The following PLIN3 variants were observed in gnomAD, a reference collection of about 807,000 sequenced individuals.
PLIN3 encodes perilipin 3.
In PLIN3, 30 loss-of-function variants were observed where a neutral mutation model predicts 35.9. That is an observed-to-expected ratio of 0.84 (90% CI 0.62 to 1.13). The LOEUF is 1.13. Ranked by LOEUF, PLIN3 falls within the 50% of genes most tolerant of loss-of-function variation. The probability of loss-of-function intolerance (pLI) is 0.00; values close to 1 mark genes in which losing one functional copy is unlikely to be tolerated. For missense variants in PLIN3, 603 were observed against 596.9 expected, an observed-to-expected ratio of 1.01 and a Z score of -0.11; for synonymous variants, 261 against 262.5, an observed-to-expected ratio of 0.99 and a Z score of 0.06.
At chr19:4,841,647 TC>T (rs1357886718) in intron 7 of PLIN3, among the ~76,000 whole-genome samples, 16 of 148,254 alleles carry the variant, frequency 1.1e-4, no homozygotes, top group Non-Finnish European at 1.8e-4. Flanking sequence ...ACCCCTGTAA[TC>T]CCCAGCACTT....
At chr19:4,848,264 G>A (rs902315773) in intron 5 of PLIN3, among the ~76,000 whole-genome samples, 1 of 152,152 alleles carries the variant, frequency 6.6e-6, no homozygotes, top group African/African-American at 2.4e-5. Flanking sequence ...GATTATAGGC[G>A]TGAGCCACCA....
At chr19:4,847,036 C>T (rs1013137873) in intron 6 of PLIN3, among the ~76,000 whole-genome samples, 1 of 151,786 alleles carries the variant, frequency 6.6e-6, no homozygotes, top group Non-Finnish European at 1.5e-5. Flanking sequence ...ATTACAGGTG[C>T]CTGCCATTGT....
chr19:4,839,421 A>T lies in PLIN3; in HGVS notation c.1076T>A (p.Val359Glu). The T allele has an allele frequency of 6.2e-7, 1 of 1,606,932 alleles. No homozygotes were observed. Among genetic ancestry groups the T allele is most frequent in the South Asian group, 1.1e-5 (1 of 90,728 alleles). The part of the protein sequence containing the change: ...QGLPTNVKDQ[V>E]QQARRQVEDL... ...CTCCACCTGGCGGCGGGCCTGCTGC[A>T]CCTGGTCCTTCACATTGGTGGGGAG... The change falls in exon 8 of 8, where the codon GTG (valine) becomes GAG (glutamate). Residue 359 changes from valine to glutamate, a missense_variant. Val to Glu is a moderately radical substitution (Grantham distance 121). Coordinates refer to ENST00000221957, the MANE Select transcript of PLIN3 (RefSeq NM_005817.5).
At chr19:4,850,454 T>G (rs1246583636) in intron 5 of PLIN3, among the ~76,000 whole-genome samples, 1 of 151,568 alleles carries the variant, frequency 6.6e-6, no homozygotes, top group Admixed American at 6.6e-5. Context: ...GGCGTCTAGC[T>G]CTATTGCCCA....
intron 5 of PLIN3, among the ~76,000 whole-genome samples, 177 bp downstream of exon 5, chr19:4,851,839 G>A (rs996892726): frequency 3.3e-5 from 5 of 152,050 alleles, no homozygotes; most frequent in African/African-American, 2.4e-5. Flanking sequence ...GGATGAGGGC[G>A]GGAGCTGGTG....
chr19:4,866,280 A>C (rs369213268), intron 1 of PLIN3, among the ~76,000 whole-genome samples: 1 of 152,134 alleles, frequency 6.6e-6, no homozygotes, highest in East Asian at 1.9e-4. Context: ...AGCCTCCCAA[A>C]GTGCTGGGAT....
chr19:4,843,256 C>T (rs1053133343), intron 7 of PLIN3, among the ~76,000 whole-genome samples: 4 of 151,640 alleles, frequency 2.6e-5, no homozygotes, highest in Admixed American at 6.6e-5. Flanking sequence ...CCTGTAATCC[C>T]AGCACTTTGG....
chr19:4,845,996 G>C (rs541202097), intron 6 of PLIN3, among the ~76,000 whole-genome samples: 29 of 150,614 alleles, frequency 1.9e-4, no homozygotes, highest in African/African-American at 7.1e-4. Flanking sequence ...AGGCCGAGGC[G>C]GGCGGATCAA....
At chr19:4,856,725 G>A (rs1401009247) in intron 4 of PLIN3, among the ~76,000 whole-genome samples, 4 of 142,992 alleles carry the variant, frequency 2.8e-5, no homozygotes, top group African/African-American at 1.0e-4. Flanking sequence ...TTTTTTTTGA[G>A]ACAGAGCCTT....
In PLIN3 at chr19:4,847,763, C is replaced by T. The variant is rs140100737; in HGVS notation, c.762G>A (p.Ser254=). 3.6e-5 allele frequency: 58 copies of T among 1,613,140 alleles called. No individual in the cohort carries two copies. In the South Asian group the frequency reaches 3.8e-4, roughly 11 times the overall value. The change falls in exon 6 of 8, where the codon TCG becomes TCA. Residue 254 remains serine (S), a synonymous_variant. Transcript: ENST00000221957. ...ERLRQHAYEH[S]LGKLRATKQR... ...GCTTGGTGGCTCGAAGCTTGCCCAG[C>T]GAGTGCTCATAGGCGTGCTGCCGCA...
At chr19:4,843,580 C>T (rs921947522) in intron 7 of PLIN3, among the ~76,000 whole-genome samples, 2 of 151,636 alleles carry the variant, frequency 1.3e-5, no homozygotes, top group African/African-American at 4.9e-5. Flanking sequence ...GCCTGTAATC[C>T]CAGTGCTTTG....
At chr19:4,861,433 G>A in intron 1 of PLIN3, 22 bp from the exon 2 acceptor site, 2 of 1,572,028 alleles carry the variant, frequency 1.3e-6, no homozygotes, top group Non-Finnish European at 8.7e-7. Flanking sequence ...GGAACAGTCA[G>A]GTACAGCCTG....
At position 4,852,315 on chromosome 19, in the gene PLIN3, C is replaced by T. The variant is rs777352177; in HGVS notation, c.349-14G>A. 7 of 1,595,604 alleles carry T rather than the reference C, an allele frequency of 4.4e-6. No homozygotes were observed. In the South Asian group the frequency reaches 6.6e-5, roughly 15 times the overall value. Reference sequence around the variant, plus strand: ...GTCCGCCAGGACCTAGGAGATGCAACAGCATCAGCATCTCTGCCTTCCCTC... The same window carrying T: ...GTCCGCCAGGACCTAGGAGATGCAATAGCATCAGCATCTCTGCCTTCCCTC... On this transcript the variant is annotated splice_polypyrimidine_tract_variant and intron_variant, in intron 4 of 7. Transcript: ENST00000221957.
intron 5 of PLIN3, 26 bp from the exon 6 acceptor site, chr19:4,847,916 T>G (rs370556671): frequency 6.4e-7 from 1 of 1,563,620 alleles, no homozygotes; most frequent in Non-Finnish European, 8.8e-7. Flanking sequence ...GAAGGGTCTC[T>G]GTGAAGACCA....
chr19:4,858,705 T>TG (rs1221725698), intron 4 of PLIN3, among the ~76,000 whole-genome samples: 11 of 136,804 alleles, frequency 8.0e-5, no homozygotes, highest in African/African-American at 2.5e-4. Flanking sequence ...TTTTTGGTTT[T>TG]TTTTTTTTTT....
In PLIN3 at chr19:4,839,408, G is replaced by A. The variant is rs1319608060; in HGVS notation, c.1089C>T (p.Arg363=). 6.2e-7 allele frequency: 1 copy of A among 1,610,218 alleles called. No homozygotes were observed. The highest frequency in any genetic ancestry group is 8.5e-7 in the Non-Finnish European group (1 of 1,177,048). Residue 363 remains arginine, a synonymous_variant, in exon 8 of 8, where the codon CGC becomes CGT. Coordinates refer to ENST00000221957, the MANE Select transcript of PLIN3 (RefSeq NM_005817.5). ...TNVKDQVQQA[R]RQVEDLQATF... The stretch of plus-strand genomic sequence containing the variant: ...TGGCCTGGAGGTCCTCCACCTGGCG[G>A]CGGGCCTGCTGCACCTGGTCCTTCA...
At chr19:4,845,867 T>A (rs1370600384) in intron 6 of PLIN3, among the ~76,000 whole-genome samples, 4 of 139,506 alleles carry the variant, frequency 2.9e-5, no homozygotes, top group Non-Finnish European at 6.0e-5. Flanking sequence ...GAGCTTGCAG[T>A]GAGCAGAGAC....
At chr19:4,842,882 G>A (rs1200223583) in intron 7 of PLIN3, among the ~76,000 whole-genome samples, 1 of 152,062 alleles carries the variant, frequency 6.6e-6, no homozygotes, top group Non-Finnish European at 1.5e-5. Flanking sequence ...CACTTTTGTA[G>A]CCCTTACTAT....
rs570937681 is a variant in PLIN3, at chr19:4,841,919, A to C, written c.961-2383T>G. ...GACTCCATCTCAAAAAAAAAAAAAA[A>C]AAAAAAAGAAAAAAAAAAGCTGTTA... On this transcript the variant is annotated intron_variant, in intron 7 of 7. Coordinates refer to ENST00000221957, the MANE Select transcript of PLIN3 (RefSeq NM_005817.5). Among the ~76,000 whole-genome samples the C allele has an allele frequency of 1.1e-4, 9 of 84,438 alleles. No individual in the cohort carries two copies. In the East Asian group the frequency reaches 2.5e-3, roughly 23 times the overall value. 55.4% of individuals were successfully genotyped at this position (84,438 alleles called of 152,430 possible). A position where few individuals can be genotyped will look rare whatever the true frequency, so the allele number is the denominator to read the frequency against.
Sources: gnomAD v4.1 joint callset for allele counts (sites outside exome capture counted in the v4.1 genomes callset) on GRCh38, gnomAD v4.1.1 for gene constraint, MANE v1.5 for transcripts, NCBI Gene and HGNC (gene_info 2026-07-23, HGNC 2026-07-21) for gene names.